ARSH: variants seen among roughly 807,000 people sequenced by gnomAD.
ARSH encodes arylsulfatase family member H, also known as arylsulfatase H.
A neutral mutation model predicts 28.7 loss-of-function variants in ARSH; 32 were observed. The observed-to-expected ratio is 1.11, with a 90% CI of 0.84 to 1.50. The LOEUF (loss-of-function observed/expected upper bound fraction) is 1.50, where lower values mean the gene tolerates loss of function less well. Among genes scored for constraint, ARSH ranks in the 40% most tolerant of loss-of-function variants. The pLI, the probability that ARSH is intolerant of heterozygous loss-of-function variation, is 0.00. For synonymous variants in ARSH, 176 were observed against 177.3 expected (o/e 0.99, Z 0.06); for missense variants, 440 against 452.4 (o/e 0.97, Z 0.25).
rs145391454 is a variant in ARSH at position 3,027,453 on chromosome X, G to A, written c.1177G>A (p.Gly393Arg). The A allele has an allele frequency of 3.8e-4, 458 of 1,209,407 alleles. No homozygotes were observed. The highest frequency in any genetic ancestry group is 6.9e-4 in the Middle Eastern group (3 of 4,347). The change falls in exon 7 of 9, where the codon GGA becomes AGA. Residue 393 changes from glycine (G) to arginine (R), a missense_variant. By Grantham distance (125) the Gly-to-Arg change is moderately radical (BLOSUM62 -2). Coordinates refer to ENST00000381130, the MANE Select transcript of ARSH (RefSeq NM_001011719.2). ...DIYPTLSYIG[G>R]GILSQDRVID... ...CTATCCGACGCTGTCTTATATAGGC[G>A]GAGGGATCTTGTCCCAGGACAGGTA...
At chrX:3,016,972 G>A (rs753808593) in intron 4 of ARSH, among the ~76,000 whole-genome samples, 1 of 110,685 alleles carries the variant, frequency 9.0e-6, no homozygotes, top group South Asian at 3.9e-4. Context: ...TTGGCAGGGA[G>A]TGGAGAGGGG....
At position 3,010,061 on chromosome X, in the gene ARSH, G is replaced by T. The variant is rs1409028188; in HGVS notation, c.124G>T (p.Gly42Ter). 1 of 1,209,505 alleles carries T rather than the reference G, an allele frequency of 8.3e-7. No homozygotes were observed. Among genetic ancestry groups the T allele is most frequent in the African/African-American group, 1.8e-5 (1 of 57,096 alleles). The part of the protein sequence containing the change: ...TPNIDRLASE[G>*]VRLTQHLAAA... The stretch of plus-strand genomic sequence containing the variant: ...TAATATTGACCGCCTGGCAAGTGAA[G>T]GAGTGAGGCTTACCCAGCATCTCGC... Residue 42 changes from glycine (G) to a stop codon, truncating the protein, a stop_gained, in exon 2 of 9, where the codon GGA (glycine) becomes TGA (stop). Coordinates refer to ENST00000381130, the MANE Select transcript of ARSH (RefSeq NM_001011719.2). LOFTEE classifies it high-confidence loss of function.
At chrX:3,031,670 A>C (rs1156399126) in intron 8 of ARSH, among the ~76,000 whole-genome samples, 1 of 112,056 alleles carries the variant, frequency 8.9e-6, no homozygotes, top group Non-Finnish European at 1.9e-5. Context: ...TTAAGATTCT[A>C]TATGAGTGCA....
At position 3,027,353 on chromosome X, in the gene ARSH, G is replaced by T; in HGVS notation, c.1077G>T (p.Val359=). 1 of 1,211,438 alleles carries T rather than the reference G, an allele frequency of 8.3e-7. No homozygotes were observed. Among genetic ancestry groups the T allele is most frequent in the South Asian group, 1.8e-5 (1 of 56,934 alleles). ...GMGGWEGGIR[V]PGIFRWPSVL... ...GAGGATGGGAAGGAGGTATCCGTGT[G>T]CCAGGGATATTCCGGTGGCCGTCAG... Residue 359 remains valine, a synonymous_variant, in exon 7 of 9, where the codon GTG becomes GTT. Coordinates refer to ENST00000381130, the MANE Select transcript of ARSH (RefSeq NM_001011719.2).
intron 5 of ARSH, among the ~76,000 whole-genome samples, chrX:3,022,822 T>A (rs1180032121): frequency 1.8e-5 from 2 of 111,000 alleles, no homozygotes; most frequent in African/African-American, 6.5e-5. Flanking sequence ...ACAGCAAGTC[T>A]CTAAGGGAGG....
intron 1 of ARSH, among the ~76,000 whole-genome samples, chrX:3,008,473 C>CTT (rs1290788643): frequency 2.0e-5 from 2 of 97,745 alleles, no homozygotes; most frequent in African/African-American, 7.6e-5. Flanking sequence ...TTCTTTCTTT[C>CTT]TTTCTTTCTT....
intron 5 of ARSH, among the ~76,000 whole-genome samples, chrX:3,021,186 C>A (rs759582288): frequency 9.2e-6 from 1 of 108,848 alleles, no homozygotes; most frequent in Admixed American, 1.0e-4. Context: ...CTTTTGAAAT[C>A]GCTTACTATA....
chrX:3,023,445 AAAT>A (rs2147458993), intron 5 of ARSH, among the ~76,000 whole-genome samples: 1 of 106,363 alleles, frequency 9.4e-6, no homozygotes, highest in East Asian at 3.0e-4. Context: ...CTATATAATA[AAAT>A]AATAGTTACA....
intron 6 of ARSH, 100 bp from the exon 7 acceptor site, chrX:3,027,213 G>C (rs1471951007): frequency 7.6e-6 from 7 of 925,849 alleles, no homozygotes; most frequent in Admixed American, 2.8e-5. Flanking sequence ...GCCCACCTCG[G>C]CCCCCCAAAG....
At chrX:3,013,483 G>C (rs1385947779) in intron 3 of ARSH, among the ~76,000 whole-genome samples, 1 of 107,579 alleles carries the variant, frequency 9.3e-6, no homozygotes, top group African/African-American at 3.4e-5. Flanking sequence ...TAAATTTGTA[G>C]AGAAGTACTG....
chrX:3,029,392 G>T, intron 8 of ARSH, 24 bp downstream of exon 8: 1 of 1,194,763 alleles, frequency 8.4e-7, no homozygotes, highest in Non-Finnish European at 1.1e-6. Context: ...CTGTGGACAC[G>T]TGGAAAGACG....
At chrX:3,029,137 C>A in intron 7 of ARSH, 110 bp from the exon 8 acceptor site, 1 of 844,380 alleles carries the variant, frequency 1.2e-6, no homozygotes, top group Non-Finnish European at 1.6e-6. Context: ...CCTTCTCTTC[C>A]TCCCCTTCCT....
intron 6 of ARSH, among the ~76,000 whole-genome samples, chrX:3,025,831 T>C (rs2089897514): frequency 9.1e-6 from 1 of 110,462 alleles, no homozygotes; most frequent in African/African-American, 3.3e-5. Flanking sequence ...ATTATAATAA[T>C]TATTATAATT....
intron 6 of ARSH, 29 bp downstream of exon 6, chrX:3,024,184 T>C: frequency 8.9e-7 from 1 of 1,128,327 alleles, no homozygotes. Flanking sequence ...CCAACGCCTG[T>C]CCATTTTAAA....
At chrX:3,030,139 C>T (rs1045841701) in intron 8 of ARSH, among the ~76,000 whole-genome samples, 4 of 111,056 alleles carry the variant, frequency 3.6e-5, no homozygotes, top group Admixed American at 1.9e-4. Flanking sequence ...CACAGGTTCA[C>T]GGTGGGAAGC....
chrX:3,009,834 TTTTAAAC>T (rs2089841293), intron 1 of ARSH, among the ~76,000 whole-genome samples, 189 bp from the exon 2 acceptor site: 1 of 112,179 alleles, frequency 8.9e-6, no homozygotes, highest in African/African-American at 3.2e-5. Context: ...TAAAGATATA[TTTTAAAC>T]TTATGTTTCC....
intron 2 of ARSH, 125 bp downstream of exon 2, chrX:3,010,276 G>A: frequency 2.2e-6 from 2 of 919,250 alleles, no homozygotes; most frequent in Non-Finnish European, 3.0e-6. Flanking sequence ...AAATTCAAAG[G>A]TGGTTGTTAT....
intron 4 of ARSH, among the ~76,000 whole-genome samples, chrX:3,016,937 CTGTT>C (rs1415687361): frequency 2.7e-5 from 3 of 110,831 alleles, no homozygotes; most frequent in African/African-American, 9.9e-5. Context: ...CTCATTGACA[CTGTT>C]TGTCACCTTC....
intron 2 of ARSH, among the ~76,000 whole-genome samples, chrX:3,012,602 A>AT (rs1470472897): frequency 1.1e-4 from 3 of 26,681 alleles, no homozygotes; most frequent in African/African-American, 5.0e-4. Flanking sequence ...TATATATAAT[A>AT]TATATATGTA....
Sources: allele counts gnomAD v4.1 joint callset (sites outside exome capture counted in the v4.1 genomes callset), GRCh38; gene constraint gnomAD v4.1.1; transcripts MANE v1.5; gene names NCBI Gene and HGNC (gene_info 2026-07-23, HGNC 2026-07-21).